Variants in STK31 observed in about 807,000 individuals in gnomAD.
STK31 encodes the protein serine/threonine-protein kinase 31.
STK31 carries 89 observed loss-of-function variants against 129.7 expected under a neutral mutation model. The observed-to-expected ratio is 0.69, with a 90% CI of 0.58 to 0.82. STK31 has a LOEUF of 0.82. STK31 is among the 40% of genes least tolerant of loss of function. The pLI, the probability that STK31 is intolerant of heterozygous loss-of-function variation, is 0.00. For synonymous variants in STK31, 448 were observed against 395.3 expected, an observed-to-expected ratio of 1.13 and a Z score of -1.58; for missense variants, 1,187 against 1,176.4, an observed-to-expected ratio of 1.01 and a Z score of -0.13.
chr7:23,803,868 A>T (rs1792530392), intron 22 of STK31, among the ~76,000 whole-genome samples: 1 of 152,154 alleles, frequency 6.6e-6, no homozygotes, highest in Admixed American at 6.6e-5. Flanking sequence ...CTATAGTTTT[A>T]TCATGACACC....
rs746997140 is a variant in STK31, at chr7:23,712,132, A to C, written c.84A>C (p.Thr28=). ...GAATTGTTCAAATGGATGAAGATAC[A>C]CATTACGATAAAGGTACTGACACTA... ...FSGIVQMDED[T]HYDKVEDVVG... The change falls in exon 2 of 24, where the codon ACA becomes ACC. Residue 28 remains threonine (T), a synonymous_variant. Coordinates refer to ENST00000355870, the MANE Select transcript of STK31 (RefSeq NM_031414.5). 6.2e-7 allele frequency: 1 copy of C among 1,612,546 alleles called. No individual in the cohort carries two copies.
intron 23 of STK31, among the ~76,000 whole-genome samples, chr7:23,822,017 A>G (rs1167953331): frequency 6.6e-6 from 1 of 152,136 alleles, no homozygotes; most frequent in Non-Finnish European, 1.5e-5. Flanking sequence ...TTTCTATACT[A>G]ATAAAACGCT....
intron 4 of STK31, among the ~76,000 whole-genome samples, chr7:23,726,974 C>T (rs1787126903): frequency 6.6e-6 from 1 of 151,466 alleles, no homozygotes. Context: ...GCTTTTTATA[C>T]CCCTCCCTCC....
intron 6 of STK31, among the ~76,000 whole-genome samples, chr7:23,734,498 G>A (rs1331202335): frequency 1.3e-5 from 2 of 152,200 alleles, no homozygotes; most frequent in East Asian, 1.9e-4. Flanking sequence ...GAGTAGATAA[G>A]TTCTTATTAA....
Position 23,729,128 on chromosome 7 carries a change from T to A in STK31, c.362T>A (p.Ile121Asn). Residue 121 changes from isoleucine (I) to asparagine (N), a missense_variant, in exon 6 of 24, where the codon ATT becomes AAT. Physicochemically the swap from Ile to Asn is moderately radical, Grantham distance 149. Transcript: ENST00000355870. ...TACATTGACTATGGAAATACTGAAA[T>A]TCTAAATCGATCTGATATAGTTGAA... is the stretch of plus-strand genomic sequence containing the variant. Reference protein sequence around the residue: ...VRYIDYGNTEILNRSDIVEIP... With the variant: ...VRYIDYGNTENLNRSDIVEIP... 1 of 1,610,922 alleles carries A rather than the reference T, an allele frequency of 6.2e-7. No homozygotes were observed.
At chr7:23,829,393 T>G (rs1038764325) in intron 23 of STK31, among the ~76,000 whole-genome samples, 2 of 152,176 alleles carry the variant, frequency 1.3e-5, no homozygotes, top group Admixed American at 6.5e-5. Context: ...TGCCATATGG[T>G]TTTTGCTCTT....
chr7:23,753,041 C>A (rs1788815122), intron 9 of STK31, among the ~76,000 whole-genome samples: 1 of 152,044 alleles, frequency 6.6e-6, no homozygotes, highest in Non-Finnish European at 1.5e-5. Context: ...CTAGAGTGTT[C>A]TAAGGTTATA....
Position 23,713,425 on chromosome 7 carries a change from TG to T in STK31, c.150+1140del, listed in dbSNP as rs1323918541. Among the ~76,000 whole-genome samples the T allele has an allele frequency of 2.6e-5, 4 of 152,322 alleles. No homozygotes were observed. In the East Asian group the frequency reaches 7.7e-4, roughly 29 times the overall value. ...GTCCTGGGACATTACTGTACACTACTGTATACTTTATAAATACCATACACTT... is the reference window on the plus strand; with the variant it reads ...GTCCTGGGACATTACTGTACACTACTTATACTTTATAAATACCATACACTT... On this transcript the variant is annotated intron_variant, in intron 3 of 23. Coordinates refer to ENST00000355870, the MANE Select transcript of STK31 (RefSeq NM_031414.5).
In STK31 at chr7:23,735,852, C is replaced by A; in HGVS notation, c.798C>A (p.Asp266Glu). ...KGHLSEKMTL[D>E]LKDENDAGNL... ...ACTTAAGTGAGAAAATGACTCTTGA[C>A]TTGAAGGATGAAAATGATGCAGGCA... The change falls in exon 7 of 24, where the codon GAC becomes GAA. Residue 266 changes from aspartate to glutamate, a missense_variant. Physicochemically the swap from Asp to Glu is conservative, Grantham distance 45. This residue lies in a region of STK31 where 975 missense variants were observed against 934.9 expected (regional missense o/e 1.04). Coordinates refer to ENST00000355870, the MANE Select transcript of STK31 (RefSeq NM_031414.5). 2 of 1,596,824 alleles carry A rather than the reference C, an allele frequency of 1.3e-6. No individual in the cohort carries two copies. The highest frequency in any genetic ancestry group is 1.7e-6 in the Non-Finnish European group (2 of 1,171,104).
intron 8 of STK31, among the ~76,000 whole-genome samples, chr7:23,738,380 T>C (rs891373596): frequency 2.8e-5 from 3 of 107,404 alleles, no homozygotes; most frequent in African/African-American, 1.1e-4. Flanking sequence ...ATTTTGGTTT[T>C]GTTTGTTTGT....
chr7:23,808,288 ACTGCCTTACTTCTC>A (rs1405551396), intron 22 of STK31, among the ~76,000 whole-genome samples: 1 of 151,590 alleles, frequency 6.6e-6, no homozygotes, highest in Non-Finnish European at 1.5e-5. Flanking sequence ...GCCCAGTTGT[ACTGCCTTACTTCTC>A]CTTGCTGCTG....
intron 8 of STK31, 63 bp downstream of exon 8, chr7:23,737,141 T>G: frequency 7.4e-7 from 1 of 1,353,636 alleles, no homozygotes; most frequent in South Asian, 2.0e-5. Flanking sequence ...CATCTGCTGC[T>G]ATTTATTTTT....
chr7:23,777,166 A>T (rs1171466769), intron 15 of STK31, among the ~76,000 whole-genome samples: 1 of 152,136 alleles, frequency 6.6e-6, no homozygotes, highest in Non-Finnish European at 1.5e-5. Context: ...TTCTACTTTG[A>T]TTGCACTGTG....
At chr7:23,745,549 T>C (rs1324766991) in intron 8 of STK31, among the ~76,000 whole-genome samples, 1 of 152,158 alleles carries the variant, frequency 6.6e-6, no homozygotes, top group Non-Finnish European at 1.5e-5. Flanking sequence ...GTTTGTCCTT[T>C]GGGTGTGTGA....
intron 7 of STK31, among the ~76,000 whole-genome samples, chr7:23,736,308 TTTC>T (rs1787713960): frequency 6.6e-6 from 1 of 152,112 alleles, no homozygotes; most frequent in African/African-American, 2.4e-5. Context: ...AGTGAGGCTC[TTTC>T]TTCTTCTTGT....
intron 21 of STK31, among the ~76,000 whole-genome samples, chr7:23,788,514 TTAA>T (rs1446613560): frequency 1.3e-5 from 2 of 152,264 alleles, no homozygotes; most frequent in South Asian, 2.1e-4. Context: ...TGTTTTTTGA[TTAA>T]TAATGTGCAT....
At chr7:23,751,023 A>C (rs1333043733) in intron 8 of STK31, among the ~76,000 whole-genome samples, 2 of 152,166 alleles carry the variant, frequency 1.3e-5, no homozygotes, top group Admixed American at 1.3e-4. Context: ...TTATTCTTCT[A>C]TCCCTACCAC....
At chr7:23,753,252 A>G (rs759365478) in intron 9 of STK31, among the ~76,000 whole-genome samples, 25 of 152,160 alleles carry the variant, frequency 1.6e-4, no homozygotes, top group Admixed American at 2.6e-4. Context: ...GTCTGTGTGG[A>G]GTTTGCACAT....
At chr7:23,719,114 T>G (rs1322398171) in intron 4 of STK31, among the ~76,000 whole-genome samples, 4 of 152,138 alleles carry the variant, frequency 2.6e-5, no homozygotes. Context: ...ATTAGGTTAT[T>G]TGTCTTGATT....
Sources: allele counts gnomAD v4.1 joint callset (sites outside exome capture counted in the v4.1 genomes callset), GRCh38; gene constraint gnomAD v4.1.1; regional missense constraint gnomAD v4.1.1; transcripts MANE v1.5; gene names NCBI Gene and HGNC (gene_info 2026-07-23, HGNC 2026-07-21).